Variants in HECW1 observed in about 807,000 individuals in gnomAD.
HECW1 encodes HECT, C2 and WW domain containing E3 ubiquitin protein ligase 1.
HECW1 carries 61 observed loss-of-function variants against 182.3 expected under a neutral mutation model. That is an observed-to-expected ratio of 0.33 (90% CI 0.27 to 0.41). The LOEUF (loss-of-function observed/expected upper bound fraction) is 0.41. Among genes scored for constraint, HECW1 ranks in the 10% least tolerant of loss-of-function variants. The probability of loss-of-function intolerance (pLI) is 1.00; values close to 1 mark genes in which losing one functional copy is unlikely to be tolerated. For missense variants in HECW1, 1,739 were observed against 2,108.9 expected (o/e 0.82, Z 3.44); for synonymous variants, 859 against 832.6 (o/e 1.03, Z -0.55).
intron 17 of HECW1, chr7:43,484,254 A>T (rs890420749): frequency 1.3e-4 from 20 of 152,200 alleles, no homozygotes; most frequent in African/African-American, 4.6e-4. Flanking sequence ...TAACTAAGAG[A>T]CCCATTAACT....
At chr7:43,362,131 C>CA (rs34879817) in intron 6 of HECW1, among the ~76,000 whole-genome samples, 19,772 of 87,628 alleles carry the variant, frequency 0.23, 2,624 homozygotes, top group African/African-American at 0.37. Context: ...AACTCCGTCT[C>CA]AAAAAAAAAA....
intron 8 of HECW1, 33 bp from the exon 9 acceptor site, chr7:43,437,970 A>T: frequency 6.2e-7 from 1 of 1,610,430 alleles, no homozygotes; most frequent in Non-Finnish European, 8.5e-7. Context: ...CCAACCTCTC[A>T]GTTAATTGAT....
At chr7:43,377,208 C>A (rs948165300) in intron 6 of HECW1, among the ~76,000 whole-genome samples, 1 of 152,188 alleles carries the variant, frequency 6.6e-6, no homozygotes, top group African/African-American at 2.4e-5. Flanking sequence ...ATACCAACTA[C>A]CTTTTCAAGC....
intron 2 of HECW1, among the ~76,000 whole-genome samples, chr7:43,217,052 G>A (rs572769549): frequency 3.9e-5 from 6 of 152,164 alleles, no homozygotes; most frequent in South Asian, 4.1e-4. Context: ...GAGTGCTTTC[G>A]GACACCATTT....
At chr7:43,184,196 G>A (rs1793147610) in intron 2 of HECW1, among the ~76,000 whole-genome samples, 1 of 152,050 alleles carries the variant, frequency 6.6e-6, no homozygotes, top group Admixed American at 6.6e-5. Context: ...TGTATTTTTA[G>A]TAGAGACTGG....
At chr7:43,327,392 T>C (rs1459570788) in intron 5 of HECW1, among the ~76,000 whole-genome samples, 3 of 152,194 alleles carry the variant, frequency 2.0e-5, no homozygotes, top group Admixed American at 6.5e-5. Flanking sequence ...ATTGAAATCA[T>C]GGTTAAAATT....
chr7:43,446,417 A>C (rs1156580637), intron 11 of HECW1, among the ~76,000 whole-genome samples: 1 of 152,232 alleles, frequency 6.6e-6, no homozygotes, highest in Non-Finnish European at 1.5e-5. Context: ...GGGAAAAAAA[A>C]TTGAAAAGTC....
In HECW1 at chr7:43,564,467, G is replaced by T. The variant is rs956490510; in HGVS notation, c.*2541G>T. 1 of 186,962 alleles carries T rather than the reference G, an allele frequency of 5.3e-6. No homozygotes were observed. The highest frequency in any genetic ancestry group is 1.9e-4 in the South Asian group (1 of 5,156). 11.6% of individuals were successfully genotyped at this position (186,962 alleles called of 1,614,324 possible). A position where few individuals can be genotyped will look rare whatever the true frequency, so the allele number is the denominator to read the frequency against. ...AAATTATATATAGATAGGTAACTTTGGCATACATGATTTTTCAACTACCGT... is the reference window on the plus strand; with the variant it reads ...AAATTATATATAGATAGGTAACTTTTGCATACATGATTTTTCAACTACCGT... On this transcript the variant is annotated 3_prime_UTR_variant, in exon 30 of 30. Coordinates refer to ENST00000395891, the MANE Select transcript of HECW1 (RefSeq NM_015052.5).
intron 3 of HECW1, among the ~76,000 whole-genome samples, chr7:43,250,737 G>T (rs142191392): frequency 2.0e-5 from 3 of 152,042 alleles, no homozygotes; most frequent in African/African-American, 7.3e-5. Context: ...TTTGGCTGCC[G>T]GTGCTTTTTG....
intron 2 of HECW1, among the ~76,000 whole-genome samples, chr7:43,229,641 A>AG (rs1464342389): frequency 6.6e-6 from 1 of 152,104 alleles, no homozygotes; most frequent in Non-Finnish European, 1.5e-5. Flanking sequence ...AGTTAAAAAA[A>AG]AAATTAATGG....
chr7:43,540,646 T>C (rs1477641773), intron 24 of HECW1, among the ~76,000 whole-genome samples: 2 of 152,204 alleles, frequency 1.3e-5, no homozygotes, highest in African/African-American at 4.8e-5. Context: ...TCTTACCATA[T>C]TGTGATTCTA....
At chr7:43,457,829 T>G (rs1397302179) in intron 13 of HECW1, among the ~76,000 whole-genome samples, 1 of 151,980 alleles carries the variant, frequency 6.6e-6, no homozygotes, top group African/African-American at 2.4e-5. Context: ...AATGAACTTC[T>G]GTTTACTGTT....
chr7:43,190,012 T>G (rs570581580), intron 2 of HECW1, among the ~76,000 whole-genome samples: 1 of 152,274 alleles, frequency 6.6e-6, no homozygotes, highest in South Asian at 2.1e-4. Flanking sequence ...ACTTACTGAG[T>G]GTTTTCAAGG....
chr7:43,145,754 G>A (rs1250863269), intron 2 of HECW1, among the ~76,000 whole-genome samples: 1 of 152,134 alleles, frequency 6.6e-6, no homozygotes, highest in Non-Finnish European at 1.5e-5. Context: ...ATGGTTGTGA[G>A]AAACAGAGCA....
intron 8 of HECW1, among the ~76,000 whole-genome samples, chr7:43,425,394 C>T (rs913099696): frequency 2.6e-5 from 4 of 152,056 alleles, no homozygotes; most frequent in Admixed American, 6.5e-5. Flanking sequence ...ATGTCTTGGG[C>T]ATATTCCATA....
At chr7:43,447,500 C>T (rs2077094944) in intron 11 of HECW1, among the ~76,000 whole-genome samples, 1 of 152,170 alleles carries the variant, frequency 6.6e-6, no homozygotes, top group Non-Finnish European at 1.5e-5. Flanking sequence ...GGTTAAGAAG[C>T]ACCTACATGC....
At chr7:43,523,607 C>G (rs949584327) in intron 24 of HECW1, among the ~76,000 whole-genome samples, 1 of 152,000 alleles carries the variant, frequency 6.6e-6, no homozygotes, top group African/African-American at 2.4e-5. Flanking sequence ...CCATTGCACT[C>G]CAGCCTGAGC....
In HECW1 at chr7:43,445,409, T is replaced by C; in HGVS notation, c.2237T>C (p.Phe746Ser). The C allele has an allele frequency of 1.2e-6, 2 of 1,613,492 alleles. No individual in the cohort carries two copies. Among genetic ancestry groups the C allele is most frequent in the Non-Finnish European group, 1.7e-6 (2 of 1,179,978 alleles). The change falls in exon 11 of 30, where the codon TTC becomes TCC. Residue 746 changes from phenylalanine to serine, a missense_variant. Coordinates refer to ENST00000395891, the MANE Select transcript of HECW1 (RefSeq NM_015052.5). ...QDDEEEENSA[F>S]ESVPDSMQSP... The stretch of plus-strand genomic sequence containing the variant: ...GACGAGGAGGAGGAGAACAGCGCGT[T>C]CGAGTCGGTACCCGACTCCATGCAG...
At chr7:43,264,842 TAA>T (rs36094358) in intron 3 of HECW1, among the ~76,000 whole-genome samples, 122 of 129,138 alleles carry the variant, frequency 9.4e-4, no homozygotes, top group African/African-American at 3.0e-3. Flanking sequence ...AGACTCGGTT[TAA>T]AAAAAAAAAA....
Sources: allele counts gnomAD v4.1 joint callset (sites outside exome capture counted in the v4.1 genomes callset), GRCh38; gene constraint gnomAD v4.1.1; transcripts MANE v1.5; gene names NCBI Gene and HGNC (gene_info 2026-07-23, HGNC 2026-07-21).